RASGEF1B: variants seen among roughly 807,000 people sequenced by gnomAD.
RASGEF1B encodes the protein ras-GEF domain-containing family member 1B.
Under a neutral mutation model 65.7 loss-of-function variants are expected in RASGEF1B, and 30 were observed. That is an observed-to-expected ratio of 0.46 (90% confidence interval 0.34 to 0.62). The LOEUF is 0.62. Among genes scored for constraint, RASGEF1B ranks in the 20% least tolerant of loss-of-function variants. The pLI, the probability that RASGEF1B is intolerant of heterozygous loss-of-function variation, is 0.01. For synonymous variants in RASGEF1B, 175 were observed against 194.8 expected (o/e 0.90, Z 0.85); for missense variants, 495 against 580.1 (o/e 0.85, Z 1.51).
intron 2 of RASGEF1B, among the ~76,000 whole-genome samples, chr4:81,458,371 A>C (rs1722525075): frequency 6.6e-6 from 1 of 152,166 alleles, no homozygotes; most frequent in African/African-American, 2.4e-5. Context: ...GGGCTGAACA[A>C]GGGATTCCTT....
chr4:81,436,064 G>A (rs927703209), intron 10 of RASGEF1B, among the ~76,000 whole-genome samples: 2 of 152,108 alleles, frequency 1.3e-5, no homozygotes, highest in African/African-American at 4.8e-5. Context: ...TTACAGGCAT[G>A]AGCCACCAAG....
At chr4:81,438,441 C>T (rs747031618) in intron 10 of RASGEF1B, among the ~76,000 whole-genome samples, 5 of 152,250 alleles carry the variant, frequency 3.3e-5, no homozygotes, top group South Asian at 2.1e-4. Flanking sequence ...TGGGCCACCA[C>T]GCCCGGCCAA....
intron 4 of RASGEF1B, among the ~76,000 whole-genome samples, chr4:81,449,182 C>T (rs1722158870): frequency 6.6e-6 from 1 of 152,190 alleles, no homozygotes; most frequent in Admixed American, 6.5e-5. Flanking sequence ...TTTCTGGCAT[C>T]TGACCTCCAC....
intron 12 of RASGEF1B, among the ~76,000 whole-genome samples, chr4:81,433,236 A>T (rs1721496510): frequency 6.6e-6 from 1 of 151,856 alleles, no homozygotes; most frequent in African/African-American, 2.4e-5. Context: ...CTTAAAAAAA[A>T]AAAAAAAAGT....
chr4:81,468,951 C>G (rs921563242), intron 1 of RASGEF1B, among the ~76,000 whole-genome samples: 3 of 152,152 alleles, frequency 2.0e-5, no homozygotes, highest in Non-Finnish European at 4.4e-5. Flanking sequence ...CAACCAGAAC[C>G]CAAGTCTCCT....
rs752697525 is a variant in RASGEF1B, at chr4:81,440,923, T to C, written c.1015A>G (p.Met339Val). 6.3e-7 allele frequency: 1 copy of C among 1,597,762 alleles called. No individual in the cohort carries two copies. The highest frequency in any genetic ancestry group is 8.6e-7 in the Non-Finnish European group (1 of 1,165,728). Residue 339 changes from methionine (M) to valine (V), a missense_variant, in exon 10 of 14, where the codon ATG becomes GTG. Transcript: ENST00000264400. ...TTATAGAAATTGCTTGAAGGGTCCA[T>C]CTGATGCTATAGATAAAAGAGAGAA... ...TAKFDILEHQ[M>V]DPSSNFYNYR...
At position 81,427,726 on chromosome 4, in the gene RASGEF1B, T is replaced by C. The variant is rs1721277095; in HGVS notation, c.*42A>G. On this transcript the variant is annotated 3_prime_UTR_variant, in exon 14 of 14. Transcript: ENST00000264400. ...AACAAAGGCCAGCCCCTCCATGATC[T>C]GCAGGAAGCAGCAGCAGCAGCAGGC... 1 of 1,612,902 alleles carries C rather than the reference T, an allele frequency of 6.2e-7. No individual in the cohort carries two copies. Among genetic ancestry groups the C allele is most frequent in the Non-Finnish European group, 8.5e-7 (1 of 1,179,702 alleles).
At chr4:81,456,250 C>T in intron 4 of RASGEF1B, 2 of 492,510 alleles carry the variant, frequency 4.1e-6, no homozygotes, top group Non-Finnish European at 7.1e-6. Context: ...ACTATTTATC[C>T]TCGGTTAATA....
chr4:81,459,604 G>A, intron 1 of RASGEF1B, 90 bp from the exon 2 acceptor site: 1 of 985,058 alleles, frequency 1.0e-6, no homozygotes, highest in African/African-American at 1.6e-5. Context: ...AGATTTAATA[G>A]TAACGAGAGA....
intron 13 of RASGEF1B, among the ~76,000 whole-genome samples, chr4:81,430,294 T>C (rs539280497): frequency 1.8e-4 from 27 of 152,218 alleles, no homozygotes; most frequent in Non-Finnish European, 2.4e-4. Flanking sequence ...GAGAGAGACT[T>C]CGTCTCAAAC....
At chr4:81,433,057 A>C (rs1721488241) in intron 12 of RASGEF1B, among the ~76,000 whole-genome samples, 1 of 151,356 alleles carries the variant, frequency 6.6e-6, no homozygotes, top group African/African-American at 2.4e-5. Context: ...TACAAGAAAA[A>C]AAAAAAAAAA....
intron 1 of RASGEF1B, among the ~76,000 whole-genome samples, chr4:81,466,765 A>G (rs28648540): frequency 1.3e-4 from 18 of 133,352 alleles, no homozygotes; most frequent in African/African-American, 5.3e-4. Flanking sequence ...TGTCAAAAAA[A>G]AAAAAAAAGA....
intron 2 of RASGEF1B, among the ~76,000 whole-genome samples, 186 bp from the exon 3 acceptor site, chr4:81,457,807 C>T (rs900185691): frequency 1.3e-5 from 2 of 152,086 alleles, no homozygotes; most frequent in African/African-American, 2.4e-5. Context: ...TGTATGTTTT[C>T]CCTGAAACCA....
At chr4:81,459,228 T>C in intron 2 of RASGEF1B, 104 bp downstream of exon 2, 1 of 886,530 alleles carries the variant, frequency 1.1e-6, no homozygotes, top group Non-Finnish European at 1.6e-6. Context: ...AGAAAAATTC[T>C]TAGCAACCTA....
chr4:81,454,475 A>C (rs1391094436), intron 4 of RASGEF1B: 1 of 152,240 alleles, frequency 6.6e-6, no homozygotes, highest in Non-Finnish European at 1.5e-5. Context: ...TACAAGAAAA[A>C]GCCCTTATGA....
At chr4:81,434,012 TTA>T in intron 11 of RASGEF1B, 49 bp from the exon 12 acceptor site, 1 of 1,540,516 alleles carries the variant, frequency 6.5e-7, no homozygotes, top group Non-Finnish European at 8.9e-7. Flanking sequence ...AAAAAAATAA[TTA>T]TGAGTTTGGG....
At chr4:81,451,655 T>C (rs999193417) in intron 4 of RASGEF1B, 2 of 152,212 alleles carry the variant, frequency 1.3e-5, no homozygotes, top group African/African-American at 4.8e-5. Context: ...CTATATTACT[T>C]GATATATTAA....
intron 9 of RASGEF1B, among the ~76,000 whole-genome samples, chr4:81,442,068 T>C (rs1488130153): frequency 6.6e-6 from 1 of 152,220 alleles, no homozygotes; most frequent in Non-Finnish European, 1.5e-5. Context: ...CAGGTCACTA[T>C]TTCCCCAGTC....
Position 81,433,960 on chromosome 4 carries a change from A to G in RASGEF1B, c.1204T>C (p.Phe402Leu). Residue 402 changes from phenylalanine to leucine, a missense_variant, in exon 12 of 14, where the codon TTT becomes CTT. Transcript: ENST00000264400. ...LPNGHVNFEK[F>L]WELAKQVSEF... ...CTCACTTGTTTGGCCAGTTCCCAAA[A>G]TTTCTGGAAGATAAGTAAAAAAAGA... 1 of 1,613,148 alleles carries G rather than the reference A, an allele frequency of 6.2e-7. No homozygotes were observed. The highest frequency in any genetic ancestry group is 2.2e-5 in the East Asian group (1 of 44,856).
Sources: gnomAD v4.1 joint callset for allele counts (sites outside exome capture counted in the v4.1 genomes callset) on GRCh38, gnomAD v4.1.1 for gene constraint, MANE v1.5 for transcripts, NCBI Gene and HGNC (gene_info 2026-07-23, HGNC 2026-07-21) for gene names.